Variants in CSMD1 observed in about 807,000 individuals in gnomAD.
The protein encoded by CSMD1 is CUB and Sushi multiple domains 1.
CSMD1 carries 213 observed loss-of-function variants against 417.5 expected under a neutral mutation model. The ratio of observed to expected loss-of-function variants is 0.51; its 90% CI spans 0.46 to 0.57. The LOEUF is 0.57. Among genes scored for constraint, CSMD1 ranks in the 20% least tolerant of loss-of-function variants. CSMD1 has a pLI of 0.00. For missense variants in CSMD1, 6,923 were observed against 4,529.7 expected (o/e 1.53, Z -15.17); for synonymous variants, 2,862 against 1,736.8 (o/e 1.65, Z -16.11).
chr8:4,639,797 G>C (rs965074485), intron 1 of CSMD1, among the ~76,000 whole-genome samples: 1 of 152,076 alleles, frequency 6.6e-6, no homozygotes, highest in South Asian at 2.1e-4. Context: ...AATGCTTGTG[G>C]GAGTTGGCAA....
chr8:4,196,735 C>T (rs1799361568), intron 3 of CSMD1, among the ~76,000 whole-genome samples: 1 of 152,142 alleles, frequency 6.6e-6, no homozygotes, highest in South Asian at 2.1e-4. Context: ...TTAGGATGGT[C>T]TCTATCTCAA....
At chr8:4,089,407 G>A (rs940523748) in intron 3 of CSMD1, among the ~76,000 whole-genome samples, 2 of 152,142 alleles carry the variant, frequency 1.3e-5, no homozygotes, top group African/African-American at 4.8e-5. Flanking sequence ...TTAGTAAATG[G>A]TACATGGTTA....
Position 4,886,530 on chromosome 8 carries a change from G to A in CSMD1, c.85+107802C>T, listed in dbSNP as rs116434952. Among the ~76,000 whole-genome samples, 681 of 151,924 alleles carry A rather than the reference G, an allele frequency of 4.5e-3. 8 individuals carry two copies. The highest frequency in any genetic ancestry group is 0.016 in the African/African-American group (656 of 41,400). On this transcript the variant is annotated intron_variant, in intron 1 of 69. Coordinates refer to ENST00000635120, the MANE Select transcript of CSMD1 (RefSeq NM_033225.6). ...GACCTTGTAAAATGAGTTGGAAAGT[G>A]TTTCCTTCTCTTTTATTTTTTGAAA...
intron 7 of CSMD1, among the ~76,000 whole-genome samples, chr8:3,633,361 T>G (rs1796876727): frequency 6.6e-6 from 1 of 152,226 alleles, no homozygotes; most frequent in Admixed American, 6.5e-5. Flanking sequence ...TCTTTGGTCC[T>G]GCCATATTTT....
intron 8 of CSMD1, among the ~76,000 whole-genome samples, chr8:3,592,455 A>C (rs1800892560): frequency 6.6e-6 from 1 of 152,164 alleles, no homozygotes. Context: ...AAATTTGAGG[A>C]AACCTTTTCT....
chr8:3,405,804 C>T (rs1458908320), intron 15 of CSMD1, among the ~76,000 whole-genome samples: 2 of 152,164 alleles, frequency 1.3e-5, no homozygotes, highest in Non-Finnish European at 2.9e-5. Flanking sequence ...GGCAGATCCT[C>T]CCTCAGAGTT....
In CSMD1 at chr8:4,442,009, A is replaced by G. The variant is rs534666427; in HGVS notation, c.303-21944T>C. 2.6e-5 allele frequency among the ~76,000 whole-genome samples: 4 copies of G among 152,228 alleles called. No individual in the cohort carries two copies. The East Asian group carries it at 7.7e-4, about 29-fold the overall frequency. Reference sequence around the variant, plus strand: ...ATAAAAGGTAGACTTGCCCTGAGTCATTTCTATGTCCCCCCGCTTTTTTCT... The same window carrying G: ...ATAAAAGGTAGACTTGCCCTGAGTCGTTTCTATGTCCCCCCGCTTTTTTCT... On this transcript the variant is annotated intron_variant, in intron 2 of 69. Transcript: ENST00000635120.
chr8:4,018,013 G>C (rs374655077), intron 4 of CSMD1, among the ~76,000 whole-genome samples: 3 of 152,124 alleles, frequency 2.0e-5, no homozygotes, highest in African/African-American at 7.2e-5. Flanking sequence ...AGTATGGTTT[G>C]TCCACTCGTA....
intron 1 of CSMD1, among the ~76,000 whole-genome samples, chr8:4,813,354 A>G (rs1212772883): frequency 6.6e-6 from 1 of 152,220 alleles, no homozygotes; most frequent in East Asian, 1.9e-4. Flanking sequence ...CTGGAAAAAA[A>G]AAATTAATAG....
chr8:3,144,545 T>A (rs1818716402), intron 40 of CSMD1, among the ~76,000 whole-genome samples: 1 of 152,110 alleles, frequency 6.6e-6, no homozygotes, highest in South Asian at 2.1e-4. Context: ...AGACCGGTAC[T>A]ACATCGCCAG....
At chr8:3,527,080 G>A (rs904703809) in intron 10 of CSMD1, among the ~76,000 whole-genome samples, 3 of 151,986 alleles carry the variant, frequency 2.0e-5, no homozygotes, top group African/African-American at 7.3e-5. Context: ...TGCAAAGAAA[G>A]CCCAGAAAAT....
intron 7 of CSMD1, among the ~76,000 whole-genome samples, chr8:3,630,005 C>T (rs762966718): frequency 9.2e-5 from 14 of 152,138 alleles, no homozygotes; most frequent in Admixed American, 2.0e-4. Context: ...TGAACAGGCC[C>T]CAGAGTTTTA....
intron 10 of CSMD1, among the ~76,000 whole-genome samples, chr8:3,534,597 G>A (rs938516986): frequency 2.0e-5 from 3 of 151,150 alleles, no homozygotes; most frequent in Non-Finnish European, 4.4e-5. Flanking sequence ...TAAAAGTTGT[G>A]TTTCCTAAGG....
At chr8:4,653,757 A>C (rs1247817716) in intron 1 of CSMD1, among the ~76,000 whole-genome samples, 1 of 152,156 alleles carries the variant, frequency 6.6e-6, no homozygotes, top group East Asian at 1.9e-4. Context: ...CATTTGGTTG[A>C]AACTCCAAAG....
chr8:3,740,427 G>C (rs1796738349), intron 6 of CSMD1, among the ~76,000 whole-genome samples: 1 of 152,192 alleles, frequency 6.6e-6, no homozygotes, highest in African/African-American at 2.4e-5. Context: ...CCAAATGCCT[G>C]GTACAGAAAA....
chr8:3,802,106 T>C (rs1237283298), intron 5 of CSMD1, among the ~76,000 whole-genome samples: 1 of 152,256 alleles, frequency 6.6e-6, no homozygotes, highest in East Asian at 1.9e-4. Context: ...CTTAATAACA[T>C]TGTTTTAAAA....
In CSMD1 at chr8:2,950,237, A is replaced by G. The variant is rs769781161; in HGVS notation, c.10308T>C (p.Asp3436=). ...SKFENDNWGL[D]GYVSSGLERG... ...ACCTTACACATGTACTTACATAACC[A>G]TCTAGTCCCCAGTTGTCATTTTCGA... Residue 3436 remains aspartate (D), a synonymous_variant, in exon 67 of 70, where the codon GAT becomes GAC. Coordinates refer to ENST00000635120, the MANE Select transcript of CSMD1 (RefSeq NM_033225.6). 24 of 1,595,528 alleles carry G rather than the reference A, an allele frequency of 1.5e-5. No individual in the cohort carries two copies. In the South Asian group the frequency reaches 2.5e-4, roughly 17 times the overall value.
intron 3 of CSMD1, among the ~76,000 whole-genome samples, chr8:4,162,438 G>A (rs529816007): frequency 6.6e-6 from 1 of 152,242 alleles, no homozygotes; most frequent in South Asian, 2.1e-4. Context: ...ATAATAAACA[G>A]AATAGAGGTG....
chr8:3,886,126 C>T (rs1681959921), intron 5 of CSMD1, among the ~76,000 whole-genome samples: 1 of 152,112 alleles, frequency 6.6e-6, no homozygotes, highest in South Asian at 2.1e-4. Flanking sequence ...TCTCAGCTCA[C>T]TGCAACCTCT....
Sources: gnomAD v4.1 joint callset for allele counts (sites outside exome capture counted in the v4.1 genomes callset) on GRCh38, gnomAD v4.1.1 for gene constraint, MANE v1.5 for transcripts, NCBI Gene and HGNC (gene_info 2026-07-23, HGNC 2026-07-21) for gene names.